Variants in LRRC4C observed in about 807,000 individuals in gnomAD.
LRRC4C encodes the protein leucine-rich repeat-containing protein 4C.
Under a neutral mutation model 33.6 loss-of-function variants are expected in LRRC4C, and 5 were observed. The observed-to-expected ratio is 0.15, with a 90% CI of 0.08 to 0.31. The LOEUF (loss-of-function observed/expected upper bound fraction) is 0.31. LRRC4C is among the 10% of genes least tolerant of loss of function. LRRC4C has a pLI of 1.00. For missense variants in LRRC4C, 560 were observed against 796.7 expected (o/e 0.70, Z 3.58); for synonymous variants, 329 against 302.0 (o/e 1.09, Z -0.93).
At chr11:41,227,931 AC>A (rs2136436380) in intron 1 of LRRC4C, among the ~76,000 whole-genome samples, 1 of 151,972 alleles carries the variant, frequency 6.6e-6, no homozygotes, top group African/African-American at 2.4e-5. Flanking sequence ...TACATTTTTA[AC>A]ATGTATACTT....
At chr11:40,233,115 A>G (rs961666673) in intron 5 of LRRC4C, among the ~76,000 whole-genome samples, 7 of 152,194 alleles carry the variant, frequency 4.6e-5, no homozygotes, top group African/African-American at 1.7e-4. Flanking sequence ...CCACTCTGGA[A>G]TCAGGACCTT....
chr11:41,171,874 T>C (rs1486754536), intron 1 of LRRC4C, among the ~76,000 whole-genome samples: 1 of 151,926 alleles, frequency 6.6e-6, no homozygotes, highest in Non-Finnish European at 1.5e-5. Context: ...TGAAAAGGCA[T>C]GTAGATACTG....
chr11:40,246,010 G>A (rs930599204), intron 4 of LRRC4C, among the ~76,000 whole-genome samples: 3 of 128,140 alleles, frequency 2.3e-5, no homozygotes, highest in Non-Finnish European at 4.9e-5. Flanking sequence ...TTTTGCTCTT[G>A]TTGCCCAGGC....
At chr11:40,818,888 T>C (rs1951813155) in intron 2 of LRRC4C, among the ~76,000 whole-genome samples, 1 of 152,076 alleles carries the variant, frequency 6.6e-6, no homozygotes, top group Non-Finnish European at 1.5e-5. Flanking sequence ...TTCACTGAGG[T>C]CTTACTCTAC....
chr11:40,364,371 TA>T (rs1466945026), intron 3 of LRRC4C, among the ~76,000 whole-genome samples: 3 of 152,050 alleles, frequency 2.0e-5, no homozygotes, highest in African/African-American at 7.2e-5. Context: ...ATAAACATGT[TA>T]AAAGATGCAG....
intron 3 of LRRC4C, among the ~76,000 whole-genome samples, chr11:40,384,081 T>C (rs10768599): frequency 0.75 from 114,022 of 151,382 alleles, 43,804 homozygotes; most frequent in East Asian, 0.99. Flanking sequence ...TTCTATACTG[T>C]GGAGAAGTTT....
rs535978894 is a variant in LRRC4C at position 40,320,458 on chromosome 11, A to G, written c.-269-737T>C. On this transcript the variant is annotated intron_variant, in intron 3 of 6. Coordinates refer to ENST00000528697, the MANE Select transcript of LRRC4C (RefSeq NM_001258419.2). The stretch of plus-strand genomic sequence containing the variant: ...AGGCAGAGGCTTGCAGTGAGCTGAG[A>G]TCGCGCCACTGCACTCCAGCCTGGG... Among the ~76,000 whole-genome samples, 5 of 152,278 alleles carry G rather than the reference A, an allele frequency of 3.3e-5. No individual in the cohort carries two copies. In the South Asian group the frequency reaches 1.0e-3, roughly 32 times the overall value.
chr11:40,322,611 T>C (rs1163424728), intron 3 of LRRC4C, among the ~76,000 whole-genome samples: 1 of 152,094 alleles, frequency 6.6e-6, no homozygotes, highest in Non-Finnish European at 1.5e-5. Context: ...TCGGGGAGCA[T>C]AGGTTGCAGA....
chr11:40,493,579 T>C (rs1954272820), intron 3 of LRRC4C, among the ~76,000 whole-genome samples: 1 of 152,170 alleles, frequency 6.6e-6, no homozygotes, highest in African/African-American at 2.4e-5. Flanking sequence ...GTGATTGATG[T>C]GTACTCAGAA....
chr11:40,901,065 T>C (rs1237990059), intron 2 of LRRC4C, among the ~76,000 whole-genome samples: 1 of 152,084 alleles, frequency 6.6e-6, no homozygotes, highest in Non-Finnish European at 1.5e-5. Context: ...TTCAATTCCT[T>C]TTCTTTTATG....
chr11:40,490,501 T>C (rs1350739177), intron 3 of LRRC4C, among the ~76,000 whole-genome samples: 1 of 152,144 alleles, frequency 6.6e-6, no homozygotes, highest in African/African-American at 2.4e-5. Context: ...GATTTTTATA[T>C]TGCTAATAGG....
intron 3 of LRRC4C, among the ~76,000 whole-genome samples, chr11:40,459,474 G>C (rs1361898508): frequency 6.6e-6 from 1 of 152,140 alleles, no homozygotes; most frequent in East Asian, 1.9e-4. Flanking sequence ...TGATATTACA[G>C]ACACTGCCGT....
At chr11:41,241,064 T>C (rs11036310) in intron 1 of LRRC4C, among the ~76,000 whole-genome samples, 6,516 of 152,264 alleles carry the variant, frequency 0.043, 177 homozygotes, top group South Asian at 0.071. Flanking sequence ...TATTAACTTC[T>C]GTATAATTCA....
At chr11:41,028,245 G>A (rs1285688735) in intron 1 of LRRC4C, among the ~76,000 whole-genome samples, 1 of 151,124 alleles carries the variant, frequency 6.6e-6, no homozygotes, top group African/African-American at 2.4e-5. Flanking sequence ...AGCATATTCA[G>A]ATAAGCAAAT....
intron 1 of LRRC4C, among the ~76,000 whole-genome samples, chr11:41,012,304 G>T (rs866991585): frequency 6.6e-6 from 1 of 151,912 alleles, no homozygotes; most frequent in Admixed American, 6.6e-5. Context: ...TACTTTTTTA[G>T]TTGGCACATA....
chr11:40,415,714 G>A (rs1330494391), intron 3 of LRRC4C, among the ~76,000 whole-genome samples: 2 of 152,176 alleles, frequency 1.3e-5, no homozygotes, highest in African/African-American at 4.8e-5. Flanking sequence ...CACTTATGCA[G>A]AAAATGATGG....
intron 2 of LRRC4C, among the ~76,000 whole-genome samples, chr11:40,666,503 G>C (rs1943820932): frequency 6.6e-6 from 1 of 152,026 alleles, no homozygotes; most frequent in Non-Finnish European, 1.5e-5. Context: ...GTAACATTTG[G>C]CATATCTGAT....
At chr11:40,966,148 A>G (rs1851343502) in intron 1 of LRRC4C, among the ~76,000 whole-genome samples, 1 of 152,038 alleles carries the variant, frequency 6.6e-6, no homozygotes, top group South Asian at 2.1e-4. Flanking sequence ...AGAGATGATC[A>G]AGAGTAGACG....
intron 1 of LRRC4C, among the ~76,000 whole-genome samples, chr11:41,343,216 T>G (rs1185271540): frequency 1.3e-5 from 2 of 152,172 alleles, no homozygotes; most frequent in Admixed American, 1.3e-4. Flanking sequence ...GGACCACAAT[T>G]CAACCCACAG....
Sources: gnomAD v4.1 joint callset for allele counts (sites outside exome capture counted in the v4.1 genomes callset) on GRCh38, gnomAD v4.1.1 for gene constraint, MANE v1.5 for transcripts, NCBI Gene and HGNC (gene_info 2026-07-23, HGNC 2026-07-21) for gene names.